Variants in TRAPPC10 observed in about 807,000 individuals in gnomAD.
TRAPPC10 encodes the protein trafficking protein particle complex subunit 10, also known as TRAPP 130 kDa subunit.
In TRAPPC10, 23 loss-of-function variants were observed where a neutral mutation model predicts 125.5. The ratio of observed to expected loss-of-function variants is 0.18; its 90% CI spans 0.13 to 0.26. The LOEUF (loss-of-function observed/expected upper bound fraction) is 0.26. Among genes scored for constraint, TRAPPC10 ranks in the 10% least tolerant of loss-of-function variants. TRAPPC10 has a pLI of 1.00. For missense variants in TRAPPC10, 1,123 were observed against 1,308.4 expected (o/e 0.86, Z 2.19); for synonymous variants, 509 against 518.0 (o/e 0.98, Z 0.24).
At position 44,062,432 on chromosome 21, in the gene TRAPPC10, C is replaced by T. The variant is rs192807541; in HGVS notation, c.791-1106C>T. On this transcript the variant is annotated intron_variant, in intron 6 of 22. Coordinates refer to ENST00000291574, the MANE Select transcript of TRAPPC10 (RefSeq NM_003274.5). Reference sequence around the variant, plus strand: ...AAAGGGGCTCAGGTGAGAGATGGGGCAGTATGTGCCATTGGAGCTTAGATA... The same window carrying T: ...AAAGGGGCTCAGGTGAGAGATGGGGTAGTATGTGCCATTGGAGCTTAGATA... 12 of 454,300 alleles carry T rather than the reference C, an allele frequency of 2.6e-5. No individual in the cohort carries two copies. In the East Asian group the frequency reaches 1.7e-3, roughly 65 times the overall value. 28.1% of individuals were successfully genotyped at this position (454,300 alleles called of 1,614,324 possible).
rs192191635 is a variant in TRAPPC10, at chr21:44,082,020, A to G, written c.1724-768A>G. On this transcript the variant is annotated intron_variant, in intron 13 of 22. Coordinates refer to ENST00000291574, the MANE Select transcript of TRAPPC10 (RefSeq NM_003274.5). The surrounding 1 kb of genome is among the most constrained non-coding windows in gnomAD (Gnocchi z 4.4). ...CTGCTGCTGCTTTGTATTTGAGACT[A>G]TTTGAGTTGTGATGTTCCTGCCAAC... Among the ~76,000 whole-genome samples the G allele has an allele frequency of 6.6e-5, 10 of 152,278 alleles. No individual in the cohort carries two copies. Among genetic ancestry groups the G allele is most frequent in the East Asian group, 1.9e-4 (1 of 5,186 alleles).
At chr21:44,051,654 G>A (rs1388585367) in intron 3 of TRAPPC10, among the ~76,000 whole-genome samples, 3 of 152,222 alleles carry the variant, frequency 2.0e-5, no homozygotes, top group Admixed American at 6.5e-5. Context: ...GCTGCCTGTC[G>A]GGAAGTAGAG....
rs921656537 is a variant in TRAPPC10, at chr21:44,012,477, G to C, written c.-17G>C. The C allele has an allele frequency of 6.8e-7, 1 of 1,462,994 alleles. No homozygotes were observed. The highest frequency in any genetic ancestry group is 9.1e-7 in the Non-Finnish European group (1 of 1,097,818). 90.6% of individuals were successfully genotyped at this position (1,462,994 alleles called of 1,614,324 possible). Reference sequence around the variant, plus strand: ...CCCATGGGGCGCGGGGGGCCGGGCCGGTGACGCCGGACGCCCATGGACGCC... The same window carrying C: ...CCCATGGGGCGCGGGGGGCCGGGCCCGTGACGCCGGACGCCCATGGACGCC... On this transcript the variant is annotated 5_prime_UTR_variant, in exon 1 of 23. Coordinates refer to ENST00000291574, the MANE Select transcript of TRAPPC10 (RefSeq NM_003274.5).
At chr21:44,038,308 T>C (rs2034147498) in intron 3 of TRAPPC10, among the ~76,000 whole-genome samples, 1 of 152,174 alleles carries the variant, frequency 6.6e-6, no homozygotes, top group Admixed American at 6.6e-5. Flanking sequence ...GCTGTCTCAC[T>C]GTGCCCCACG....
At chr21:44,093,022 C>G (rs1246059981) in intron 19 of TRAPPC10, among the ~76,000 whole-genome samples, 1 of 152,164 alleles carries the variant, frequency 6.6e-6, no homozygotes, top group Non-Finnish European at 1.5e-5. Flanking sequence ...GTCTTCAACT[C>G]TTGGCCTCAG....
At chr21:44,024,121 A>G (rs2032835569) in intron 1 of TRAPPC10, among the ~76,000 whole-genome samples, 1 of 152,214 alleles carries the variant, frequency 6.6e-6, no homozygotes, top group Non-Finnish European at 1.5e-5. Flanking sequence ...TTTTAAGATA[A>G]AATACATCAT....
At chr21:44,020,059 ATTT>A (rs528259982) in intron 1 of TRAPPC10, among the ~76,000 whole-genome samples, 1 of 141,808 alleles carries the variant, frequency 7.1e-6, no homozygotes, top group Admixed American at 7.0e-5. Context: ...CCTGTTTGCA[ATTT>A]TTTTTTTTTA....
chr21:44,074,557 G>T lies in TRAPPC10; in HGVS notation c.1185+87G>T, dbSNP rs1241071659. The stretch of plus-strand genomic sequence containing the variant: ...AGGAAGTCTGCTGTTTGGAGGAGAG[G>T]TGTTGCTCATTTAGATCACGATGCA... On this transcript the variant is annotated intron_variant, in intron 8 of 22. Coordinates refer to ENST00000291574, the MANE Select transcript of TRAPPC10 (RefSeq NM_003274.5). 15 of 1,563,502 alleles carry T rather than the reference G, an allele frequency of 9.6e-6. No homozygotes were observed. The East Asian group carries it at 2.3e-4, about 24-fold the overall frequency.
At position 44,094,227 on chromosome 21, in the gene TRAPPC10, T is replaced by G. The variant is rs781548528; in HGVS notation, c.3162T>G (p.Asn1054Lys). 6.2e-7 allele frequency: 1 copy of G among 1,604,292 alleles called. No individual in the cohort carries two copies. The highest frequency in any genetic ancestry group is 8.5e-7 in the Non-Finnish European group (1 of 1,177,158). The change falls in exon 20 of 23, where the codon AAT becomes AAG. Residue 1054 changes from asparagine to lysine, a missense_variant. Asn to Lys is a moderately conservative substitution (Grantham distance 94). Transcript: ENST00000291574. The part of the protein sequence containing the change: ...KPYTYEFKVE[N>K]FFTLYNVKAE... ...ATACTTATGAATTTAAAGTGGAAAA[T>G]TTTTTTGTAAGTGATGTATTATTTT... is the stretch of plus-strand genomic sequence containing the variant.
Position 44,032,144 on chromosome 21 carries a change from C to T in TRAPPC10, c.121C>T (p.Leu41Phe), listed in dbSNP as rs749049232. Reference protein sequence around the residue: ...TSVYPTLSQQLPREPMEWRRS... With the variant: ...TSVYPTLSQQFPREPMEWRRS... Reference sequence around the variant, plus strand: ...TGTTTATCCAACGCTCTCTCAGCAGCTTCCAAGAGAACCAATGGAATGGAG... The same window carrying T: ...TGTTTATCCAACGCTCTCTCAGCAGTTTCCAAGAGAACCAATGGAATGGAG... The change falls in exon 2 of 23, where the codon CTT becomes TTT. Residue 41 changes from leucine (L) to phenylalanine (F), a missense_variant. Physicochemically the swap from Leu to Phe is conservative, Grantham distance 22 (BLOSUM62 0). Transcript: ENST00000291574. The T allele has an allele frequency of 3.2e-5, 52 of 1,613,946 alleles. 1 individual carries two copies. The South Asian group carries it at 5.5e-4, about 17-fold the overall frequency.
At chr21:44,040,028 TGC>T (rs1328148223) in intron 3 of TRAPPC10, among the ~76,000 whole-genome samples, 2 of 152,250 alleles carry the variant, frequency 1.3e-5, no homozygotes, top group East Asian at 3.8e-4. Context: ...TTGGTACACC[TGC>T]GCCACAACTA....
At chr21:44,053,156 T>C (rs1213722333) in intron 4 of TRAPPC10, among the ~76,000 whole-genome samples, 3 of 152,160 alleles carry the variant, frequency 2.0e-5, no homozygotes, top group African/African-American at 7.2e-5. Flanking sequence ...ATTATAGCCA[T>C]GGTCACCATG....
At chr21:44,080,775 G>A (rs986814286) in intron 13 of TRAPPC10, among the ~76,000 whole-genome samples, 2 of 151,852 alleles carry the variant, frequency 1.3e-5, no homozygotes, top group Non-Finnish European at 2.9e-5. Flanking sequence ...CTGACCTCAG[G>A]TGATCCACCC....
chr21:44,021,941 T>A (rs1601557548), intron 1 of TRAPPC10, among the ~76,000 whole-genome samples: 1 of 151,966 alleles, frequency 6.6e-6, no homozygotes, highest in Non-Finnish European at 1.5e-5. Flanking sequence ...GAAAATACAT[T>A]GCGATTTTTT....
Position 44,063,815 on chromosome 21 carries a change from T to C in TRAPPC10, c.1038+30T>C, listed in dbSNP as rs1270717209. 6 of 1,598,422 alleles carry C rather than the reference T, an allele frequency of 3.8e-6. No homozygotes were observed. The African/African-American group carries it at 8.1e-5, about 21-fold the overall frequency. The stretch of plus-strand genomic sequence containing the variant: ...GTCGGCTGTTTTCCCAATTTACCCG[T>C]TTCTTGATTGTTCCAGCAGAAATCT... On this transcript the variant is annotated intron_variant, in intron 7 of 22. Transcript: ENST00000291574. This position sits in a 1 kb window ranked among gnomAD's most constrained non-coding sequence, Gnocchi z 4.4.
At chr21:44,062,260 G>C (rs2036113184) in intron 6 of TRAPPC10, among the ~76,000 whole-genome samples, 1 of 152,182 alleles carries the variant, frequency 6.6e-6, no homozygotes, top group Non-Finnish European at 1.5e-5. Flanking sequence ...AATACTTACT[G>C]AGGGACCACC....
intron 18 of TRAPPC10, among the ~76,000 whole-genome samples, chr21:44,090,326 C>G (rs2038484814): frequency 6.6e-6 from 1 of 152,206 alleles, no homozygotes; most frequent in African/African-American, 2.4e-5. Context: ...CCCTGTATTT[C>G]TTGTCAATTG....
At chr21:44,027,994 G>A (rs1007951780) in intron 1 of TRAPPC10, among the ~76,000 whole-genome samples, 1 of 152,152 alleles carries the variant, frequency 6.6e-6, no homozygotes, top group Non-Finnish European at 1.5e-5. Flanking sequence ...CTAGTTTATT[G>A]TATGTTGTTA....
chr21:44,023,593 G>A lies in TRAPPC10; in HGVS notation c.68-8498G>A, dbSNP rs144414189. Among the ~76,000 whole-genome samples, 649 of 152,146 alleles carry A rather than the reference G, an allele frequency of 4.3e-3. 4 individuals are homozygous for A. Among genetic ancestry groups the A allele is most frequent in the Non-Finnish European group, 7.6e-3 (518 of 68,004 alleles). Reference sequence around the variant, plus strand: ...CCTATCTAGCCTGACAAGATGTTCCGGGCTCATTTTGAACATTTAATGCCC... The same window carrying A: ...CCTATCTAGCCTGACAAGATGTTCCAGGCTCATTTTGAACATTTAATGCCC... On this transcript the variant is annotated intron_variant, in intron 1 of 22. Transcript: ENST00000291574.
Sources: allele counts gnomAD v4.1 joint callset (sites outside exome capture counted in the v4.1 genomes callset), GRCh38; gene constraint gnomAD v4.1.1; non-coding constraint Gnocchi (gnomAD v3.1); transcripts MANE v1.5; gene names NCBI Gene and HGNC (gene_info 2026-07-23, HGNC 2026-07-21).